The following PLD5 variants were observed in gnomAD, a reference collection of about 807,000 sequenced individuals.
PLD5 encodes the protein inactive phospholipase D5.
A neutral mutation model predicts 61.1 loss-of-function variants in PLD5; 36 were observed. That is an observed-to-expected ratio of 0.59 (90% confidence interval 0.45 to 0.78). The LOEUF (loss-of-function observed/expected upper bound fraction) is 0.78. Ranked by LOEUF, PLD5 falls within the 30% of genes least tolerant of loss-of-function variation. The pLI is 0.00. For missense variants in PLD5, 515 were observed against 644.4 expected (o/e 0.80, Z 2.17); for synonymous variants, 243 against 242.8 (o/e 1.00, Z -0.01).
At position 242,460,556 on chromosome 1, in the gene PLD5, T is replaced by C. The variant is rs535956354; in HGVS notation, c.189+63532A>G. Among the ~76,000 whole-genome samples, 6 of 152,144 alleles carry C rather than the reference T, an allele frequency of 3.9e-5. No individual in the cohort carries two copies. The East Asian group carries it at 7.7e-4, about 20-fold the overall frequency. ...AGAATGAAAGGAGGAAGGAAGAAGA[T>C]AATAAAGACATCATACTCTTCCTCT... On this transcript the variant is annotated intron_variant, in intron 1 of 9. Transcript: ENST00000536534.
At chr1:242,340,379 T>C (rs1317246421) in intron 2 of PLD5, among the ~76,000 whole-genome samples, 1 of 151,968 alleles carries the variant, frequency 6.6e-6, no homozygotes, top group Non-Finnish European at 1.5e-5. Context: ...CATAGTTGGG[T>C]TTGTCAATAC....
chr1:242,492,910 A>T (rs78413065), intron 1 of PLD5, among the ~76,000 whole-genome samples: 6,572 of 151,744 alleles, frequency 0.043, 223 homozygotes, highest in Middle Eastern at 0.061. Context: ...TGACCTAATC[A>T]CCTCCCAAAG....
chr1:242,380,133 A>G (rs951727343), intron 1 of PLD5, among the ~76,000 whole-genome samples: 1 of 152,226 alleles, frequency 6.6e-6, no homozygotes. Flanking sequence ...ACTATGAAAG[A>G]GAGCTAACAT....
chr1:242,157,874 T>C (rs770861665), intron 5 of PLD5, among the ~76,000 whole-genome samples: 16 of 152,228 alleles, frequency 1.1e-4, no homozygotes, highest in Non-Finnish European at 2.2e-4. Context: ...TCTTCAGAGC[T>C]GTCAGGCAGG....
At chr1:242,308,674 A>C (rs1203257109) in intron 2 of PLD5, among the ~76,000 whole-genome samples, 2 of 152,196 alleles carry the variant, frequency 1.3e-5, no homozygotes, top group African/African-American at 4.8e-5. Flanking sequence ...AATGAAAAAA[A>C]AATTAAATTC....
rs188110679 is a variant in PLD5 at position 242,174,309 on chromosome 1, C to G, written c.735+45679G>C. Reference sequence around the variant, plus strand: ...AGACACATGAAAAAATGCTCATCATCACTGGCCATCAGAGAATTGCAAATC... The same window carrying G: ...AGACACATGAAAAAATGCTCATCATGACTGGCCATCAGAGAATTGCAAATC... On this transcript the variant is annotated intron_variant, in intron 5 of 9. Transcript: ENST00000536534. Among the ~76,000 whole-genome samples, 882 of 151,984 alleles carry G rather than the reference C, an allele frequency of 5.8e-3. 6 individuals are homozygous for G. The highest frequency in any genetic ancestry group is 0.022 in the South Asian group (104 of 4,802).
chr1:242,267,717 A>G lies in PLD5; in HGVS notation c.496-2269T>C, dbSNP rs1673775858. On this transcript the variant is annotated intron_variant, in intron 3 of 9. Coordinates refer to ENST00000536534, the MANE Select transcript of PLD5 (RefSeq NM_001372062.1). ...CAATATCAGGAGACCCTGTCTCTAC[A>G]AAAAGTTAAAAAAAAAAAAAAAAGC... 2.0e-5 allele frequency among the ~76,000 whole-genome samples: 3 copies of G among 148,244 alleles called. No homozygotes were observed. In the South Asian group the frequency reaches 6.4e-4, roughly 32 times the overall value.
chr1:242,138,422 T>C (rs1391097551), intron 5 of PLD5, among the ~76,000 whole-genome samples: 1 of 152,138 alleles, frequency 6.6e-6, no homozygotes, highest in East Asian at 1.9e-4. Context: ...AAGGGAAATA[T>C]TGCATTAGAT....
At chr1:242,497,958 T>C (rs1440931512) in intron 1 of PLD5, among the ~76,000 whole-genome samples, 1 of 51,904 alleles carries the variant, frequency 1.9e-5, no homozygotes, top group Non-Finnish European at 3.6e-5. Flanking sequence ...TTTCTTCAAT[T>C]TATTTTATTT....
intron 1 of PLD5, among the ~76,000 whole-genome samples, chr1:242,404,171 CA>C (rs1231409674): frequency 6.6e-6 from 1 of 152,180 alleles, no homozygotes; most frequent in African/African-American, 2.4e-5. Flanking sequence ...AAATTTAACA[CA>C]TGCCGAGTAC....
intron 1 of PLD5, among the ~76,000 whole-genome samples, chr1:242,452,329 T>A (rs991867843): frequency 6.6e-6 from 1 of 152,152 alleles, no homozygotes; most frequent in Non-Finnish European, 1.5e-5. Flanking sequence ...GAAAAATTGT[T>A]TGGCACTTTT....
intron 1 of PLD5, among the ~76,000 whole-genome samples, chr1:242,373,464 G>A (rs1558506049): frequency 6.6e-6 from 1 of 152,160 alleles, no homozygotes; most frequent in Non-Finnish European, 1.5e-5. Context: ...ATACCCAAAG[G>A]ATTTTAAATC....
intron 6 of PLD5, among the ~76,000 whole-genome samples, chr1:242,120,143 T>C (rs1662252207): frequency 6.6e-6 from 1 of 152,074 alleles, no homozygotes; most frequent in Non-Finnish European, 1.5e-5. Flanking sequence ...AAAGAAAAAG[T>C]AGACTGCTGG....
chr1:242,303,755 C>T (rs1676191243), intron 2 of PLD5, among the ~76,000 whole-genome samples: 1 of 152,210 alleles, frequency 6.6e-6, no homozygotes, highest in Non-Finnish European at 1.5e-5. Context: ...GTAGAGCAGA[C>T]TCAAGTCCTT....
At chr1:242,162,673 G>C (rs552470694) in intron 5 of PLD5, among the ~76,000 whole-genome samples, 2 of 152,242 alleles carry the variant, frequency 1.3e-5, no homozygotes, top group East Asian at 3.9e-4. Flanking sequence ...TTGAGTTCTA[G>C]CTTCTGCTTC....
chr1:242,126,910 A>G (rs1465237370), intron 5 of PLD5, among the ~76,000 whole-genome samples: 1 of 152,230 alleles, frequency 6.6e-6, no homozygotes, highest in Non-Finnish European at 1.5e-5. Context: ...CAATCTATAC[A>G]TCTGACAATG....
chr1:242,479,572 C>A (rs1316261587), intron 1 of PLD5, among the ~76,000 whole-genome samples: 1 of 152,004 alleles, frequency 6.6e-6, no homozygotes, highest in African/African-American at 2.4e-5. Context: ...ATATGGAGAG[C>A]AGATATTGTT....
intron 1 of PLD5, among the ~76,000 whole-genome samples, chr1:242,363,851 A>G (rs1661200723): frequency 6.6e-6 from 1 of 152,248 alleles, no homozygotes; most frequent in African/African-American, 2.4e-5. Context: ...TGGGATTAAC[A>G]GCAGATTAGA....
At chr1:242,200,541 T>A (rs1668920275) in intron 5 of PLD5, among the ~76,000 whole-genome samples, 1 of 152,174 alleles carries the variant, frequency 6.6e-6, no homozygotes, top group Non-Finnish European at 1.5e-5. Context: ...TCTAGATTTC[T>A]GGGGTACTGC....
Sources: allele counts gnomAD v4.1 joint callset (sites outside exome capture counted in the v4.1 genomes callset), GRCh38; gene constraint gnomAD v4.1.1; transcripts MANE v1.5; gene names NCBI Gene and HGNC (gene_info 2026-07-23, HGNC 2026-07-21).